The following KDM4C variants were observed in gnomAD, a reference collection of about 807,000 sequenced individuals.
KDM4C encodes lysine demethylase 4C.
Under a neutral mutation model 129.3 loss-of-function variants are expected in KDM4C, and 81 were observed. The ratio of observed to expected loss-of-function variants is 0.63; its 90% CI spans 0.52 to 0.75. KDM4C has a LOEUF of 0.75. KDM4C is among the 30% of genes least tolerant of loss of function. KDM4C has a pLI of 0.00. For synonymous variants in KDM4C, 573 were observed against 456.1 expected (o/e 1.26, Z -3.26); for missense variants, 1,457 against 1,304.0 (o/e 1.12, Z -1.81).
At chr9:7,037,165 A>G (rs550637985) in intron 15 of KDM4C, among the ~76,000 whole-genome samples, 2 of 152,316 alleles carry the variant, frequency 1.3e-5, no homozygotes, top group South Asian at 4.1e-4. Flanking sequence ...CCCAGCTCAG[A>G]GAGCCCTATT....
At position 6,967,127 on chromosome 9, in the gene KDM4C, A is replaced by ATTTG. The variant is rs201027230; in HGVS notation, c.922-13796_922-13795insTGTT. On this transcript the variant is annotated intron_variant, in intron 8 of 21. Coordinates refer to ENST00000381309, the MANE Select transcript of KDM4C (RefSeq NM_015061.6). ...CATCTCCCTGAAAAATGGGCCAAAA[A>ATTTG]TTATACAGACTCCTGGCCGGGCATG... is the stretch of plus-strand genomic sequence containing the variant. Among the ~76,000 whole-genome samples, 922 of 152,246 alleles carry ATTTG rather than the reference A, an allele frequency of 6.1e-3. 19 individuals carry two copies. The highest frequency in any genetic ancestry group is 0.041 in the East Asian group (213 of 5,176).
At chr9:6,739,856 T>C (rs974779252) in intron 1 of KDM4C, among the ~76,000 whole-genome samples, 1 of 152,106 alleles carries the variant, frequency 6.6e-6, no homozygotes, top group Admixed American at 6.6e-5. Flanking sequence ...AATAGCAAAG[T>C]AAAAGCTATC....
chr9:6,973,015 A>T (rs1242340654), intron 8 of KDM4C, among the ~76,000 whole-genome samples: 3 of 152,240 alleles, frequency 2.0e-5, no homozygotes, highest in Admixed American at 2.0e-4. Flanking sequence ...GGCCAGACAT[A>T]GTCTCATACT....
chr9:6,815,179 C>G (rs1831857397), intron 4 of KDM4C: 1 of 151,540 alleles, frequency 6.6e-6, no homozygotes, highest in African/African-American at 2.4e-5. Flanking sequence ...TTTTCACAGA[C>G]AAATTGTAAT....
chr9:6,744,815 T>G (rs1217934889), intron 1 of KDM4C, among the ~76,000 whole-genome samples: 1 of 147,972 alleles, frequency 6.8e-6, no homozygotes, highest in East Asian at 2.0e-4. Context: ...CTTGGGATGC[T>G]GAGAGGGAGA....
At chr9:6,834,882 A>T in intron 4 of KDM4C, 1 of 1,304,240 alleles carries the variant, frequency 7.7e-7, no homozygotes, top group Non-Finnish European at 1.1e-6. Context: ...CTGTCCCTGT[A>T]CTTCTTTGGC....
At chr9:7,152,476 C>A (rs889178951) in intron 19 of KDM4C, among the ~76,000 whole-genome samples, 1 of 152,190 alleles carries the variant, frequency 6.6e-6, no homozygotes, top group Non-Finnish European at 1.5e-5. Context: ...ATTTCGCTTA[C>A]ATGAGGTACC....
intron 15 of KDM4C, among the ~76,000 whole-genome samples, chr9:7,026,442 G>A (rs941338906): frequency 6.6e-6 from 1 of 151,808 alleles, no homozygotes; most frequent in East Asian, 1.9e-4. Flanking sequence ...TGAAAAATCT[G>A]CTGCCAGACA....
intron 3 of KDM4C, among the ~76,000 whole-genome samples, chr9:6,811,911 G>C (rs919128917): frequency 6.6e-6 from 1 of 152,166 alleles, no homozygotes; most frequent in East Asian, 1.9e-4. Flanking sequence ...TGGATTTGTG[G>C]AATAGCTGTG....
chr9:6,812,811 T>C (rs1004112350), intron 3 of KDM4C, among the ~76,000 whole-genome samples: 1 of 152,204 alleles, frequency 6.6e-6, no homozygotes, highest in African/African-American at 2.4e-5. Context: ...CCGATACTAC[T>C]GGAACCTACT....
chr9:6,927,838 G>A (rs1324586875), intron 8 of KDM4C, among the ~76,000 whole-genome samples: 3 of 152,100 alleles, frequency 2.0e-5, no homozygotes, highest in Admixed American at 1.3e-4. Flanking sequence ...TCTTCTCAAG[G>A]CATTCTAATC....
At chr9:7,022,117 G>C (rs1318918854) in intron 15 of KDM4C, among the ~76,000 whole-genome samples, 1 of 152,142 alleles carries the variant, frequency 6.6e-6, no homozygotes, top group East Asian at 1.9e-4. Context: ...TTTTTGCTTA[G>C]GATAGTTTTG....
chr9:6,739,848 T>C (rs575321637), intron 1 of KDM4C, among the ~76,000 whole-genome samples: 198 of 152,202 alleles, frequency 1.3e-3, no homozygotes, highest in African/African-American at 4.6e-3. Flanking sequence ...AATGAATAAA[T>C]AGCAAAGTAA....
intron 7 of KDM4C, 68 bp downstream of exon 7, chr9:6,888,131 A>G: frequency 1.3e-6 from 1 of 763,592 alleles, no homozygotes; most frequent in Admixed American, 2.8e-5. Flanking sequence ...GAAGTAATGT[A>G]TCTTTAACTT....
At chr9:6,734,776 T>C (rs1817468457) in intron 1 of KDM4C, 1 of 386,288 alleles carries the variant, frequency 2.6e-6, no homozygotes, top group Non-Finnish European at 5.0e-6. Flanking sequence ...ACTTAAAATA[T>C]GTTTGTAAAT....
intron 12 of KDM4C, among the ~76,000 whole-genome samples, chr9:7,007,483 A>G (rs1366296465): frequency 1.3e-5 from 2 of 151,940 alleles, no homozygotes; most frequent in Admixed American, 6.6e-5. Flanking sequence ...TGCTGTGTTG[A>G]CTCTTGTTTT....
intron 7 of KDM4C, among the ~76,000 whole-genome samples, chr9:6,890,140 C>T (rs537204307): frequency 1.3e-5 from 2 of 152,146 alleles, no homozygotes; most frequent in Non-Finnish European, 2.9e-5. Context: ...CCTCAAGAAC[C>T]ACATTTACCT....
At position 7,125,128 on chromosome 9, in the gene KDM4C, C is replaced by A. The variant is rs370550921; in HGVS notation, c.2611-2938C>A. ...GAACTGTTCTCCCCCACCCCCAGTG[C>A]CCTGACCCCTGCTCCCCGGGCCATT... On this transcript the variant is annotated intron_variant, in intron 18 of 21. Coordinates refer to ENST00000381309, the MANE Select transcript of KDM4C (RefSeq NM_015061.6). 1.3e-4 allele frequency among the ~76,000 whole-genome samples: 20 copies of A among 152,230 alleles called. No homozygotes were observed. In the South Asian group the frequency reaches 4.1e-3, roughly 32 times the overall value.
intron 5 of KDM4C, among the ~76,000 whole-genome samples, chr9:6,877,619 G>A (rs1843765261): frequency 6.6e-6 from 1 of 152,182 alleles, no homozygotes; most frequent in African/African-American, 2.4e-5. Flanking sequence ...AAGAATAGTA[G>A]TATCTTTTGA....
Sources: allele counts gnomAD v4.1 joint callset (sites outside exome capture counted in the v4.1 genomes callset), GRCh38; gene constraint gnomAD v4.1.1; transcripts MANE v1.5; gene names NCBI Gene and HGNC (gene_info 2026-07-23, HGNC 2026-07-21).